ZNF667: variants seen among roughly 807,000 people sequenced by gnomAD.
ZNF667 encodes the protein myocardial ischemic preconditioning upregulated 1 ortholog.
Under a neutral mutation model 31.8 loss-of-function variants are expected in ZNF667, and 13 were observed. The ratio of observed to expected loss-of-function variants is 0.41; its 90% CI spans 0.27 to 0.65. The LOEUF (loss-of-function observed/expected upper bound fraction) is 0.65, where lower values mean the gene tolerates loss of function less well. ZNF667 is among the 30% of genes least tolerant of loss of function. The pLI, the probability that ZNF667 is intolerant of heterozygous loss-of-function variation, is 0.32. For synonymous variants in ZNF667, 228 were observed against 247.1 expected (o/e 0.92, Z 0.73); for missense variants, 642 against 725.6 (o/e 0.88, Z 1.32).
chr19:56,463,170 G>A (rs2043085824), intron 3 of ZNF667, among the ~76,000 whole-genome samples: 2 of 152,138 alleles, frequency 1.3e-5, no homozygotes, highest in South Asian at 4.1e-4. Context: ...CACTGGGGGA[G>A]GAGGGGGAGC....
At position 56,442,468 on chromosome 19, in the gene ZNF667, T is replaced by G. The variant is rs147969495; in HGVS notation, c.527A>C (p.Asn176Thr). Residue 176 changes from asparagine to threonine, a missense_variant, in exon 7 of 7, where the codon AAT becomes ACT. Asn to Thr is a moderately conservative substitution (Grantham distance 65). Coordinates refer to ENST00000504904, the MANE Select transcript of ZNF667 (RefSeq NM_001321356.2). ...GATCTGTCTGAAAGCTTTTCTACAA[T>G]TACTGCATTCAAAAGGCTTCTCTCC... ...HTGEKPFECS[N>T]CRKAFRQISS... is the part of the protein sequence containing the mutation. 1.0e-4 allele frequency: 169 copies of G among 1,613,868 alleles called. No individual in the cohort carries two copies. In the African/African-American group the frequency reaches 1.9e-3, roughly 18 times the overall value.
intron 4 of ZNF667, 27 bp from the exon 5 acceptor site, chr19:56,460,842 C>T (rs370496221): frequency 5.1e-6 from 8 of 1,561,072 alleles, no homozygotes; most frequent in Non-Finnish European, 6.9e-6. Context: ...AATGTCTATT[C>T]ACCATGGACT....
chr19:56,471,604 T>C (rs534184057), intron 3 of ZNF667, 95 bp downstream of exon 3: 1 of 152,358 alleles, frequency 6.6e-6, no homozygotes, highest in East Asian at 1.9e-4. Flanking sequence ...AAAACTCTTT[T>C]GATTTCTTGT....
At chr19:56,470,284 G>A (rs752981218) in intron 3 of ZNF667, among the ~76,000 whole-genome samples, 4 of 152,210 alleles carry the variant, frequency 2.6e-5, no homozygotes, top group Non-Finnish European at 4.4e-5. Flanking sequence ...CGCATTGACC[G>A]TCCTTAGCCC....
At chr19:56,472,357 T>C (rs143944041) in intron 2 of ZNF667, 170 bp from the exon 3 acceptor site, 1 of 152,322 alleles carries the variant, frequency 6.6e-6, no homozygotes, top group Non-Finnish European at 1.5e-5. Context: ...TGTGATGTCT[T>C]CGGTAACTGG....
intron 2 of ZNF667, 81 bp downstream of exon 2, chr19:56,473,931 G>A (rs1327196587): frequency 7.2e-5 from 11 of 152,178 alleles, no homozygotes; most frequent in Admixed American, 7.2e-4. Context: ...TCCAAAACCC[G>A]CTTTGGCATT....
chr19:56,452,292 C>T (rs974984903), intron 6 of ZNF667, among the ~76,000 whole-genome samples: 31 of 151,984 alleles, frequency 2.0e-4, no homozygotes, highest in Admixed American at 1.8e-3. Flanking sequence ...TCAGGTGATC[C>T]GCCCACCTCG....
chr19:56,444,056 TA>T (rs60420469), intron 6 of ZNF667: 31 of 392,318 alleles, frequency 7.9e-5, no homozygotes, highest in Non-Finnish European at 1.3e-4. Flanking sequence ...TATCTCATTG[TA>T]AAAATGCTGG....
At chr19:56,448,592 G>A (rs759225102) in intron 6 of ZNF667, among the ~76,000 whole-genome samples, 5 of 151,654 alleles carry the variant, frequency 3.3e-5, no homozygotes, top group African/African-American at 4.8e-5. Flanking sequence ...AGAGGGAAGA[G>A]TAAAGAGGAC....
At chr19:56,459,704 CAA>C (rs143182019) in intron 5 of ZNF667, among the ~76,000 whole-genome samples, 29,196 of 152,102 alleles carry the variant, frequency 0.19, 3,009 homozygotes, top group Middle Eastern at 0.29. Flanking sequence ...TAAATTCTAT[CAA>C]AAGAGGGCTG....
chr19:56,448,128 A>G (rs1031835466), intron 6 of ZNF667, among the ~76,000 whole-genome samples: 1 of 152,092 alleles, frequency 6.6e-6, no homozygotes, highest in East Asian at 1.9e-4. Context: ...CCCTCCCCCA[A>G]TGCCTGGCAG....
At position 56,465,541 on chromosome 19, in the gene ZNF667, A is replaced by G. The variant is rs568584256; in HGVS notation, c.-59-3112T>C. ...AGCAACACTGAGGATTATCATTTCA[A>G]TTCTCACATCTGGTGGCAAGTCCAG... On this transcript the variant is annotated intron_variant, in intron 3 of 6. Transcript: ENST00000504904. 2.0e-5 allele frequency among the ~76,000 whole-genome samples: 3 copies of G among 152,390 alleles called. No individual in the cohort carries two copies. In the South Asian group the frequency reaches 6.2e-4, roughly 32 times the overall value.
At chr19:56,455,748 T>C (rs904086571) in intron 6 of ZNF667, among the ~76,000 whole-genome samples, 1 of 152,190 alleles carries the variant, frequency 6.6e-6, no homozygotes, top group African/African-American at 2.4e-5. Flanking sequence ...TTGTACATTT[T>C]AGAACAACTG....
At chr19:56,467,162 G>A (rs1177848378) in intron 3 of ZNF667, 8 of 399,802 alleles carry the variant, frequency 2.0e-5, no homozygotes, top group Non-Finnish European at 3.5e-5. Context: ...ATCATGCTAA[G>A]GGGAATACTT....
At chr19:56,444,280 CTCTTA>C (rs1204092564) in intron 6 of ZNF667, 1 of 398,434 alleles carries the variant, frequency 2.5e-6, no homozygotes, top group Non-Finnish European at 4.4e-6. Context: ...CCTCAGTGAG[CTCTTA>C]CTCATGGTGA....
At chr19:56,477,151 G>T (rs1439477399) in intron 1 of ZNF667, 121 bp downstream of exon 1, 2 of 152,070 alleles carry the variant, frequency 1.3e-5, no homozygotes. Context: ...AAGCACCCGC[G>T]CAGACGCCCA....
chr19:56,460,735 C>G lies in ZNF667; in HGVS notation c.114G>C (p.Leu38Phe). 6.2e-7 allele frequency: 1 copy of G among 1,612,538 alleles called. No homozygotes were observed. Among genetic ancestry groups the G allele is most frequent in the Non-Finnish European group, 8.5e-7 (1 of 1,179,432 alleles). Reference sequence around the variant, plus strand: ...AATTCTCCAACATGACATCTTCATACAAATCCTTCTGAATGGGGCTCAGCC... The same window carrying G: ...AATTCTCCAACATGACATCTTCATAGAAATCCTTCTGAATGGGGCTCAGCC... ...WEWLSPIQKDLYEDVMLENYR... is the reference protein window; with the variant it reads ...WEWLSPIQKDFYEDVMLENYR... The change falls in exon 5 of 7, where the codon TTG becomes TTC. Residue 38 changes from leucine (L) to phenylalanine (F), a missense_variant. Physicochemically the swap from Leu to Phe is conservative, Grantham distance 22. Coordinates refer to ENST00000504904, the MANE Select transcript of ZNF667 (RefSeq NM_001321356.2).
At chr19:56,447,980 A>G (rs2042740310) in intron 6 of ZNF667, among the ~76,000 whole-genome samples, 1 of 152,332 alleles carries the variant, frequency 6.6e-6, no homozygotes, top group South Asian at 2.1e-4. Context: ...GCCAAATTGA[A>G]CAACTATCCA....
intron 6 of ZNF667, chr19:56,449,707 T>G (rs1313349755): frequency 6.7e-6 from 1 of 148,752 alleles, no homozygotes; most frequent in Non-Finnish European, 1.5e-5. Context: ...AAAAAAGCTA[T>G]TTTGAGGAAG....
Sources: allele counts gnomAD v4.1 joint callset (sites outside exome capture counted in the v4.1 genomes callset), GRCh38; gene constraint gnomAD v4.1.1; transcripts MANE v1.5; gene names NCBI Gene and HGNC (gene_info 2026-07-23, HGNC 2026-07-21).